PDE4D: variants seen among roughly 807,000 people sequenced by gnomAD.
PDE4D encodes 3',5'-cyclic-AMP phosphodiesterase 4D.
A neutral mutation model predicts 87.4 loss-of-function variants in PDE4D; 24 were observed. The ratio of observed to expected loss-of-function variants is 0.27; its 90% CI spans 0.20 to 0.39. The LOEUF (loss-of-function observed/expected upper bound fraction) is 0.39, where lower values mean the gene tolerates loss of function less well. Among genes scored for constraint, PDE4D ranks in the 10% least tolerant of loss-of-function variants. PDE4D has a pLI of 1.00. For missense variants in PDE4D, 714 were observed against 1,041.0 expected (o/e 0.69, Z 4.32); for synonymous variants, 384 against 383.2 (o/e 1.00, Z -0.02).
At chr5:59,222,681 T>C (rs1752813981) in intron 1 of PDE4D, among the ~76,000 whole-genome samples, 1 of 152,192 alleles carries the variant, frequency 6.6e-6, no homozygotes, top group African/African-American at 2.4e-5. Context: ...AATATTGACC[T>C]ACCAAAAATG....
intron 2 of PDE4D, among the ~76,000 whole-genome samples, chr5:60,125,990 A>G (rs1779091487): frequency 6.6e-6 from 1 of 152,182 alleles, no homozygotes; most frequent in Admixed American, 6.6e-5. Flanking sequence ...AGCCTGAAAG[A>G]AGCAATAGTT....
chr5:60,044,328 T>C (rs2152871266), intron 2 of PDE4D, among the ~76,000 whole-genome samples: 1 of 151,816 alleles, frequency 6.6e-6, no homozygotes, highest in African/African-American at 2.4e-5. Flanking sequence ...ATCCTGTTTC[T>C]TAACATCTTT....
intron 1 of PDE4D, among the ~76,000 whole-genome samples, chr5:60,499,384 T>C (rs1048786948): frequency 1.3e-5 from 2 of 152,186 alleles, no homozygotes; most frequent in Non-Finnish European, 2.9e-5. Context: ...TCTACAGAAT[T>C]TCATGAACTT....
chr5:59,280,532 T>C (rs1301020918), intron 1 of PDE4D, among the ~76,000 whole-genome samples: 1 of 152,134 alleles, frequency 6.6e-6, no homozygotes, highest in Non-Finnish European at 1.5e-5. Flanking sequence ...CCTCTCCTCT[T>C]GTCCCTCTTT....
At chr5:59,645,741 C>A (rs1247799416) in intron 1 of PDE4D, among the ~76,000 whole-genome samples, 1 of 152,194 alleles carries the variant, frequency 6.6e-6, no homozygotes. Context: ...AAGCCAGGAA[C>A]TGCTCTTTGA....
chr5:59,818,113 G>A (rs910715647), intron 1 of PDE4D, among the ~76,000 whole-genome samples: 1 of 152,128 alleles, frequency 6.6e-6, no homozygotes, highest in African/African-American at 2.4e-5. Flanking sequence ...GTTTAAGAAT[G>A]GCAACACTCA....
At chr5:59,819,746 C>CA (rs1769416540) in intron 1 of PDE4D, among the ~76,000 whole-genome samples, 1 of 152,154 alleles carries the variant, frequency 6.6e-6, no homozygotes, top group Admixed American at 6.5e-5. Context: ...ACTATTTGGA[C>CA]AGTAGCTATC....
chr5:59,438,617 T>G (rs909381688), intron 1 of PDE4D, among the ~76,000 whole-genome samples: 1 of 152,208 alleles, frequency 6.6e-6, no homozygotes, highest in African/African-American at 2.4e-5. Context: ...TTTGCAATAT[T>G]ATTGCTTGGA....
At chr5:59,880,494 A>G (rs1252289055) in intron 1 of PDE4D, among the ~76,000 whole-genome samples, 1 of 152,240 alleles carries the variant, frequency 6.6e-6, no homozygotes, top group East Asian at 1.9e-4. Flanking sequence ...CAATAATCTA[A>G]TTTGGTCGAA....
chr5:60,108,390 T>C (rs1052310714), intron 2 of PDE4D, among the ~76,000 whole-genome samples: 21 of 152,250 alleles, frequency 1.4e-4, no homozygotes, highest in Non-Finnish European at 2.2e-4. Context: ...ACATTCCATG[T>C]TCATGGGTCG....
intron 2 of PDE4D, among the ~76,000 whole-genome samples, chr5:60,122,102 A>G (rs1271404811): frequency 6.6e-6 from 1 of 152,126 alleles, no homozygotes; most frequent in Non-Finnish European, 1.5e-5. Flanking sequence ...GTGGGTTCCC[A>G]TGGTCTTGGG....
At chr5:59,223,428 G>T (rs1296282845) in intron 1 of PDE4D, among the ~76,000 whole-genome samples, 3 of 152,090 alleles carry the variant, frequency 2.0e-5, no homozygotes, top group Non-Finnish European at 4.4e-5. Context: ...CCTGTGTATT[G>T]TAGCTCATGC....
intron 1 of PDE4D, among the ~76,000 whole-genome samples, chr5:59,535,266 A>T (rs1285763390): frequency 1.3e-5 from 2 of 152,178 alleles, no homozygotes; most frequent in East Asian, 3.9e-4. Context: ...AGAAAAATAC[A>T]GTCACCTGGG....
intron 1 of PDE4D, among the ~76,000 whole-genome samples, chr5:59,882,532 G>A (rs1008762420): frequency 6.6e-6 from 1 of 152,144 alleles, no homozygotes; most frequent in African/African-American, 2.4e-5. Flanking sequence ...CTTTCAGAGA[G>A]AAGGGCTGTG....
intron 1 of PDE4D, among the ~76,000 whole-genome samples, chr5:59,577,888 G>A (rs892902670): frequency 4.6e-5 from 7 of 151,962 alleles, no homozygotes; most frequent in Admixed American, 4.6e-4. Context: ...ATTTATCTTG[G>A]AGACATAAAA....
At chr5:59,802,722 C>T (rs1767290981) in intron 1 of PDE4D, among the ~76,000 whole-genome samples, 1 of 151,912 alleles carries the variant, frequency 6.6e-6, no homozygotes, top group Admixed American at 6.6e-5. Flanking sequence ...GAGCAAGAAG[C>T]AAGAATTCAT....
rs1422482136 is a variant in PDE4D, at chr5:58,969,619, T to A, written c.*5045A>T. ...TTATTTACCCCACTGAGCTCCTTCA[T>A]TGTACTGATCACATATATAATTATA... On this transcript the variant is annotated 3_prime_UTR_variant, in exon 15 of 15. Transcript: ENST00000340635. 1 of 152,178 alleles carries A rather than the reference T, an allele frequency of 6.6e-6. No homozygotes were observed. Among genetic ancestry groups the A allele is most frequent in the Non-Finnish European group, 1.5e-5 (1 of 68,046 alleles). 9.4% of individuals were successfully genotyped at this position (152,178 alleles called of 1,614,324 possible). A position where few individuals can be genotyped will look rare whatever the true frequency, so the allele number is the denominator to read the frequency against.
chr5:59,879,090 C>T lies in PDE4D; in HGVS notation c.455+14078G>A, dbSNP rs568275393. 8.5e-4 allele frequency among the ~76,000 whole-genome samples: 129 copies of T among 151,370 alleles called. 1 individual carries two copies. Among genetic ancestry groups the T allele is most frequent in the Middle Eastern group, 6.8e-3 (2 of 294 alleles). ...ATTTTGTGTGTGTTTTTAGTAGAGA[C>T]GGGGTTTCACCATGTTAGCCAGGAT... On this transcript the variant is annotated intron_variant, in intron 1 of 14. Transcript: ENST00000340635.
chr5:59,271,331 G>A (rs959093784), intron 1 of PDE4D, among the ~76,000 whole-genome samples: 26 of 152,184 alleles, frequency 1.7e-4, no homozygotes, highest in South Asian at 8.3e-4. Context: ...AAGCTACGCC[G>A]CCTGGCCAAA....
Sources: allele counts gnomAD v4.1 joint callset (sites outside exome capture counted in the v4.1 genomes callset), GRCh38; gene constraint gnomAD v4.1.1; transcripts MANE v1.5; gene names NCBI Gene and HGNC (gene_info 2026-07-23, HGNC 2026-07-21).